The following ARHGEF17 variants were observed in gnomAD, a reference collection of about 807,000 sequenced individuals.
ARHGEF17 encodes the protein Rho guanine nucleotide exchange factor 17, also known as 164 kDa Rho-specific guanine-nucleotide exchange factor.
A neutral mutation model predicts 174.0 loss-of-function variants in ARHGEF17; 80 were observed. The observed-to-expected ratio is 0.46, with a 90% CI of 0.38 to 0.55. The LOEUF is 0.55. Ranked by LOEUF, ARHGEF17 falls within the 20% of genes least tolerant of loss-of-function variation. The probability of loss-of-function intolerance (pLI) is 0.00; values close to 1 mark genes in which losing one functional copy is unlikely to be tolerated. For missense variants in ARHGEF17, 2,886 were observed against 2,839.7 expected, an observed-to-expected ratio of 1.02 and a Z score of -0.37; for synonymous variants, 1,311 against 1,189.1, an observed-to-expected ratio of 1.10 and a Z score of -2.11.
Position 73,310,654 on chromosome 11 carries a change from C to G in ARHGEF17, c.2016C>G (p.Ser672=), listed in dbSNP as rs775904992. The change falls in exon 1 of 21, where the codon TCC becomes TCG. Residue 672 remains serine, a synonymous_variant. Coordinates refer to ENST00000263674, the MANE Select transcript of ARHGEF17 (RefSeq NM_014786.4). ...LGTTGMWRPL[S]SSSAQTNHHG... ...CCACAGGGATGTGGCGACCTCTTTCCTCATCCTCGGCCCAGACGAACCACC... is the reference window on the plus strand; with the variant it reads ...CCACAGGGATGTGGCGACCTCTTTCGTCATCCTCGGCCCAGACGAACCACC... The G allele has an allele frequency of 6.2e-7, 1 of 1,614,054 alleles. No individual in the cohort carries two copies. Among genetic ancestry groups the G allele is most frequent in the South Asian group, 1.1e-5 (1 of 91,082 alleles).
At position 73,367,925 on chromosome 11, in the gene ARHGEF17, GC is replaced by G. The variant is rs1476631799; in HGVS notation, c.*146del. The stretch of plus-strand genomic sequence containing the variant: ...TGGGCTCTGCCTTGTCTTCGCGGAA[GC>G]ATTCCTGATGGAACACCCACTGGCC... On this transcript the variant is annotated 3_prime_UTR_variant, in exon 21 of 21. Coordinates refer to ENST00000263674, the MANE Select transcript of ARHGEF17 (RefSeq NM_014786.4). 8.0e-6 allele frequency: 7 copies of G among 871,838 alleles called. No homozygotes were observed. The allele number at this position is 871,838 out of a possible 1,614,324, so 54.0% of individuals were successfully genotyped here.
intron 9 of ARHGEF17, 40 bp from the exon 10 acceptor site, chr11:73,359,794 T>C (rs756689706): frequency 6.7e-7 from 1 of 1,489,802 alleles, no homozygotes; most frequent in Non-Finnish European, 9.0e-7. Context: ...TGACCTTGTC[T>C]GTCTCTGTAT....
chr11:73,343,798 G>A (rs959876124), intron 1 of ARHGEF17, among the ~76,000 whole-genome samples: 1 of 152,164 alleles, frequency 6.6e-6, no homozygotes, highest in Non-Finnish European at 1.5e-5. Context: ...GTGTGTCTCT[G>A]GGCCTGGACT....
rs1295435925 is a variant in ARHGEF17, at chr11:73,309,140, C to G, written c.502C>G (p.Pro168Ala). Residue 168 changes from proline (P) to alanine (A), a missense_variant, in exon 1 of 21, where the codon CCA becomes GCA. Pro to Ala is a conservative substitution (Grantham distance 27, BLOSUM62 -1). Transcript: ENST00000263674. ...WEPPARESRQ[P>A]PTPPPRTCFP... is the part of the protein sequence containing the mutation. ...GCCTCCGGCTCGGGAGTCGCGGCAG[C>G]CACCGACGCCACCCCCTCGGACATG... 6.3e-7 allele frequency: 1 copy of G among 1,578,948 alleles called. No homozygotes were observed. Among genetic ancestry groups the G allele is most frequent in the African/African-American group, 1.4e-5 (1 of 72,044 alleles).
intron 1 of ARHGEF17, among the ~76,000 whole-genome samples, chr11:73,314,155 C>A (rs912068747): frequency 1.3e-5 from 2 of 152,242 alleles, no homozygotes; most frequent in South Asian, 4.1e-4. Context: ...CTGTCCACCC[C>A]CTCCTGGTGG....
At position 73,362,707 on chromosome 11, in the gene ARHGEF17, C is replaced by G. The variant is rs1053844337; in HGVS notation, c.4969C>G (p.Arg1657Gly). The G allele has an allele frequency of 1.2e-6, 2 of 1,605,836 alleles. No homozygotes were observed. Among genetic ancestry groups the G allele is most frequent in the African/African-American group, 2.7e-5 (2 of 74,870 alleles). Residue 1657 changes from arginine to glycine, a missense_variant, in exon 14 of 21, where the codon CGG (arginine) becomes GGG (glycine). Physicochemically the swap from Arg to Gly is moderately radical, Grantham distance 125. Coordinates refer to ENST00000263674, the MANE Select transcript of ARHGEF17 (RefSeq NM_014786.4). ...GGGGACGCTGCAGAGCCAGGCCAGC[C>G]GGTCCACCATCTCCTCCAGCTTTGG... Reference protein sequence around the residue: ...PSGTLQSQASRSTISSSFGNE... With the variant: ...PSGTLQSQASGSTISSSFGNE...
intron 1 of ARHGEF17, among the ~76,000 whole-genome samples, chr11:73,329,358 TATA>T (rs1865160605): frequency 3.1e-4 from 7 of 22,678 alleles, no homozygotes; most frequent in African/African-American, 1.9e-3. Flanking sequence ...TATATATATA[TATA>T]TATATATATA....
chr11:73,308,636 A>G lies in ARHGEF17; in HGVS notation c.-3A>G. On this transcript the variant is annotated 5_prime_UTR_variant, in exon 1 of 21. Coordinates refer to ENST00000263674, the MANE Select transcript of ARHGEF17 (RefSeq NM_014786.4). ...CAGCCCCCCCGGAGTGAGTTACGCC[A>G]CTATGGCGGACGGGGCACCCCGGCC... The G allele has an allele frequency of 6.7e-7, 1 of 1,491,292 alleles. No individual in the cohort carries two copies. The highest frequency in any genetic ancestry group is 8.9e-7 in the Non-Finnish European group (1 of 1,124,618). The allele number at this position is 1,491,292 out of a possible 1,614,324, so 92.4% of individuals were successfully genotyped here.
intron 1 of ARHGEF17, among the ~76,000 whole-genome samples, chr11:73,326,161 T>G (rs1865098713): frequency 6.6e-6 from 1 of 151,976 alleles, no homozygotes; most frequent in Admixed American, 6.5e-5. Flanking sequence ...ATCTGAGAAC[T>G]GGGGGTCGAA....
intron 12 of ARHGEF17, among the ~76,000 whole-genome samples, 174 bp downstream of exon 12, chr11:73,361,335 A>C (rs989910649): frequency 6.6e-6 from 1 of 152,194 alleles, no homozygotes; most frequent in African/African-American, 2.4e-5. Flanking sequence ...ACATGTACAC[A>C]TGTATATGGG....
rs1046137053 is a variant in ARHGEF17 at position 73,366,737 on chromosome 11, AAAAAAT to A, written c.5995+804_5995+809del. 3.4e-4 allele frequency among the ~76,000 whole-genome samples: 51 copies of A among 152,150 alleles called. No individual in the cohort carries two copies. The East Asian group carries it at 4.3e-3, about 13-fold the overall frequency. ...GGTGACAGAGTGATACCCTGTCTCA[AAAAAAT>A]AAAAATAAAAATATGGCCGGGCGTG... On this transcript the variant is annotated intron_variant, in intron 20 of 20. Transcript: ENST00000263674.
chr11:73,363,295 T>C lies in ARHGEF17; in HGVS notation c.5086T>C (p.Ser1696Pro), dbSNP rs1174764467. 6.2e-7 allele frequency: 1 copy of C among 1,612,482 alleles called. No homozygotes were observed. Among genetic ancestry groups the C allele is most frequent in the Admixed American group, 1.7e-5 (1 of 59,982 alleles). Reference sequence around the variant, plus strand: ...GCCAGGCTTCCTGCCACTGTCTGGCTCCTTTGGGCCTGGTGGTCCCTGCGG... The same window carrying C: ...GCCAGGCTTCCTGCCACTGTCTGGCCCCTTTGGGCCTGGTGGTCCCTGCGG... ...QEPGFLPLSG[S>P]FGPGGPCGTS... Residue 1696 changes from serine (S) to proline (P), a missense_variant, in exon 15 of 21, where the codon TCC becomes CCC. Ser to Pro is a moderately conservative substitution (Grantham distance 74, BLOSUM62 -1). Transcript: ENST00000263674.
intron 1 of ARHGEF17, among the ~76,000 whole-genome samples, chr11:73,328,682 G>A (rs1865142490): frequency 1.3e-5 from 2 of 152,242 alleles, no homozygotes; most frequent in African/African-American, 4.8e-5. Flanking sequence ...GGAAAGCAAA[G>A]ACAAAGGCTC....
intron 12 of ARHGEF17, 43 bp from the exon 13 acceptor site, chr11:73,361,997 G>T (rs1432940038): frequency 1.3e-6 from 2 of 1,593,484 alleles, no homozygotes; most frequent in Non-Finnish European, 1.7e-6. Flanking sequence ...GCTGGCAGCA[G>T]TTCCTCCATT....
At chr11:73,358,998 CCT>C (rs1034543869) in intron 9 of ARHGEF17, among the ~76,000 whole-genome samples, 6 of 152,220 alleles carry the variant, frequency 3.9e-5, no homozygotes, top group Non-Finnish European at 8.8e-5. Flanking sequence ...CAGCAGGCTG[CCT>C]CTCACCCCCA....
rs751167972 is a variant in ARHGEF17 at position 73,311,027 on chromosome 11, CAGG to C, written c.2393_2395del (p.Glu798del). The C allele has an allele frequency of 9.3e-6, 15 of 1,614,028 alleles. No homozygotes were observed. The highest frequency in any genetic ancestry group is 1.6e-4 in the Middle Eastern group (1 of 6,084). On this transcript the variant is annotated inframe_deletion, in exon 1 of 21. Coordinates refer to ENST00000263674, the MANE Select transcript of ARHGEF17 (RefSeq NM_014786.4). ...GGGCAGTGAAGAGAGCAAGGGATATCAGGAGGTTATTCAGAGCATAGTTCAGGG... is the reference window on the plus strand; with the variant it reads ...GGGCAGTGAAGAGAGCAAGGGATATCAGGTTATTCAGAGCATAGTTCAGGG...
At position 73,360,434 on chromosome 11, in the gene ARHGEF17, A is replaced by G. The variant is rs1202353386; in HGVS notation, c.4321A>G (p.Thr1441Ala). 1 of 1,613,986 alleles carries G rather than the reference A, an allele frequency of 6.2e-7. No individual in the cohort carries two copies. The highest frequency in any genetic ancestry group is 1.7e-5 in the Admixed American group (1 of 60,032). The change falls in exon 11 of 21, where the codon ACT (threonine) becomes GCT (alanine). Residue 1441 changes from threonine to alanine, a missense_variant. Thr to Ala is a moderately conservative substitution (Grantham distance 58, BLOSUM62 0). This residue lies in a region of ARHGEF17 where 476 missense variants were observed against 473.1 expected (regional missense o/e 1.01). Transcript: ENST00000263674. ...GCCAACCAAGCTGGAGCTGTGCGCC[A>G]CTCGGCCCGAGGGCACCGACTCCTA... is the stretch of plus-strand genomic sequence containing the variant. ...FPPTKLELCA[T>A]RPEGTDSYIF... is the part of the protein sequence containing the mutation.
In ARHGEF17 at chr11:73,364,212, G is replaced by A. The variant is rs139967456; in HGVS notation, c.5374G>A (p.Glu1792Lys). ...NQVFVSLANG[E>K]LVVYQREAGH... The stretch of plus-strand genomic sequence containing the variant: ...GGTGTTTGTGTCTCTGGCCAATGGA[G>A]AGCTTGTGGTCTACCAAAGGGAAGC... Residue 1792 changes from glutamate to lysine, a missense_variant, in exon 17 of 21, where the codon GAG becomes AAG. Glu to Lys is a moderately conservative substitution (Grantham distance 56, BLOSUM62 1). Around this residue, in one of 4 missense-constraint regions of ARHGEF17, gnomAD observed 329 missense variants for 435.2 expected, o/e 0.76. Coordinates refer to ENST00000263674, the MANE Select transcript of ARHGEF17 (RefSeq NM_014786.4). The A allele has an allele frequency of 1.9e-5, 30 of 1,614,048 alleles. No homozygotes were observed. The African/African-American group carries it at 3.9e-4, about 21-fold the overall frequency.
At chr11:73,361,190 CAT>C (rs1004626648) in intron 12 of ARHGEF17, 29 bp downstream of exon 12, 1 of 1,607,864 alleles carries the variant, frequency 6.2e-7, no homozygotes, top group Non-Finnish European at 8.5e-7. Flanking sequence ...CACTTGGGTA[CAT>C]GTTTTCAAAG....
Sources: gnomAD v4.1 joint callset for allele counts (sites outside exome capture counted in the v4.1 genomes callset) on GRCh38, gnomAD v4.1.1 for gene constraint, gnomAD v4.1.1 regional missense constraint, MANE v1.5 for transcripts, NCBI Gene and HGNC (gene_info 2026-07-23, HGNC 2026-07-21) for gene names.